The following PAQR5 variants were observed in gnomAD, a reference collection of about 807,000 sequenced individuals.
The protein encoded by PAQR5 is membrane progestin receptor gamma.
PAQR5 carries 20 observed loss-of-function variants against 34.5 expected under a neutral mutation model. That is an observed-to-expected ratio of 0.58 (90% CI 0.41 to 0.84). The LOEUF is 0.84. PAQR5 is among the 40% of genes least tolerant of loss of function. PAQR5 has a pLI of 0.00. For synonymous variants in PAQR5, 131 were observed against 155.6 expected (o/e 0.84, Z 1.18); for missense variants, 378 against 412.7 (o/e 0.92, Z 0.73).
chr15:69,350,934 A>G (rs1194896330), intron 2 of PAQR5, among the ~76,000 whole-genome samples: 1 of 152,208 alleles, frequency 6.6e-6, no homozygotes, highest in African/African-American at 2.4e-5. Flanking sequence ...GGACTGCTAG[A>G]CACCGGCTCT....
chr15:69,360,813 T>G (rs572755523), intron 3 of PAQR5, among the ~76,000 whole-genome samples: 1 of 152,340 alleles, frequency 6.6e-6, no homozygotes, highest in African/African-American at 2.4e-5. Flanking sequence ...AAAGTGGGTG[T>G]CATTTCATGG....
chr15:69,369,060 T>C (rs1311349950), intron 3 of PAQR5, among the ~76,000 whole-genome samples: 1 of 152,254 alleles, frequency 6.6e-6, no homozygotes, highest in Non-Finnish European at 1.5e-5. Context: ...GTTGAGCTAC[T>C]ATGCCCAGCC....
chr15:69,377,390 C>G (rs1446251685), intron 3 of PAQR5, among the ~76,000 whole-genome samples: 9 of 152,234 alleles, frequency 5.9e-5, no homozygotes, highest in South Asian at 2.1e-4. Flanking sequence ...AAATCTGCAA[C>G]TCAAGATTCC....
At chr15:69,374,493 T>A (rs1459921761) in intron 3 of PAQR5, among the ~76,000 whole-genome samples, 1 of 152,144 alleles carries the variant, frequency 6.6e-6, no homozygotes, top group Admixed American at 6.5e-5. Context: ...CTGACCAACA[T>A]GTTGAAACCC....
At chr15:69,373,786 T>C (rs1294509088) in intron 3 of PAQR5, among the ~76,000 whole-genome samples, 5 of 152,262 alleles carry the variant, frequency 3.3e-5, no homozygotes, top group Non-Finnish European at 4.4e-5. Context: ...GTAGTTTTAG[T>C]AGAGATGAGG....
At chr15:69,398,161 G>A (rs182055850) in intron 7 of PAQR5, among the ~76,000 whole-genome samples, 43 of 152,290 alleles carry the variant, frequency 2.8e-4, no homozygotes, top group African/African-American at 8.4e-4. Context: ...GCAAGAGTTC[G>A]GGAATGCATT....
At chr15:69,386,907 G>T (rs1040073757) in intron 5 of PAQR5, among the ~76,000 whole-genome samples, 1 of 151,990 alleles carries the variant, frequency 6.6e-6, no homozygotes, top group Non-Finnish European at 1.5e-5. Flanking sequence ...TGATGGTCGC[G>T]CCCCTACTCC....
rs142421065 is a variant in PAQR5 at position 69,344,556 on chromosome 15, A to G, written c.-116+7055A>G. 1.4e-3 allele frequency among the ~76,000 whole-genome samples: 207 copies of G among 152,380 alleles called. 1 individual carries two copies. Among genetic ancestry groups the G allele is most frequent in the Non-Finnish European group, 2.4e-3 (164 of 68,036 alleles). ...TATGGATTAAAACTAACATTTTCAT[A>G]TCATGTTATCTATGTGAAGTATTTG... On this transcript the variant is annotated intron_variant, in intron 2 of 8. Transcript: ENST00000395407.
intron 3 of PAQR5, among the ~76,000 whole-genome samples, chr15:69,363,179 G>T (rs2055287259): frequency 6.6e-6 from 1 of 152,166 alleles, no homozygotes; most frequent in African/African-American, 2.4e-5. Context: ...GGAATGGTGT[G>T]CCCACCTCTC....
At position 69,382,293 on chromosome 15, in the gene PAQR5, C is replaced by T. The variant is rs543880958; in HGVS notation, c.179+2283C>T. On this transcript the variant is annotated intron_variant, in intron 4 of 8. Coordinates refer to ENST00000395407, the MANE Select transcript of PAQR5 (RefSeq NM_017705.4). ...TCCTGCGAGGAATGGCTGAAGGAAC[C>T]GGGAGTATTTAATGTGAAGTTCAAG... 8.2e-4 allele frequency among the ~76,000 whole-genome samples: 124 copies of T among 152,048 alleles called. 2 individuals are homozygous for T. Among genetic ancestry groups the T allele is most frequent in the Non-Finnish European group, 2.4e-4 (16 of 67,978 alleles).
intron 1 of PAQR5, among the ~76,000 whole-genome samples, chr15:69,312,902 A>G (rs910026266): frequency 1.5e-4 from 23 of 152,028 alleles, no homozygotes; most frequent in African/African-American, 5.3e-4. Context: ...TCACAGTCCT[A>G]TGTGCTATAA....
Position 69,368,677 on chromosome 15 carries a change from G to A in PAQR5, c.51+8546G>A, listed in dbSNP as rs146185232. The stretch of plus-strand genomic sequence containing the variant: ...GGTACTTTCTTTGGATCTTTCAGTT[G>A]ACTAATTTTCTCTTCAGACAGGTCT... On this transcript the variant is annotated intron_variant, in intron 3 of 8. Coordinates refer to ENST00000395407, the MANE Select transcript of PAQR5 (RefSeq NM_017705.4). Among the ~76,000 whole-genome samples the A allele has an allele frequency of 3.8e-3, 576 of 152,174 alleles. 2 individuals carry two copies. The highest frequency in any genetic ancestry group is 6.9e-3 in the Non-Finnish European group (469 of 68,002).
At chr15:69,358,858 G>T (rs770752458) in intron 2 of PAQR5, among the ~76,000 whole-genome samples, 2 of 151,808 alleles carry the variant, frequency 1.3e-5, no homozygotes, top group Admixed American at 1.3e-4. Context: ...TCAACTGATC[G>T]TCCCATCTCA....
At chr15:69,380,046 C>G in intron 4 of PAQR5, 36 bp downstream of exon 4, 1 of 1,610,124 alleles carries the variant, frequency 6.2e-7, no homozygotes, top group Non-Finnish European at 8.5e-7. Flanking sequence ...CTGTCTCCTT[C>G]AGGAGCCCTG....
chr15:69,306,443 G>T (rs1351825673), intron 1 of PAQR5, among the ~76,000 whole-genome samples: 2 of 123,066 alleles, frequency 1.6e-5, no homozygotes, highest in Admixed American at 2.2e-4. Context: ...ACGGAGTCTC[G>T]ATCTGTTGCC....
At position 69,404,924 on chromosome 15, in the gene PAQR5, T is replaced by TA. The variant is rs2056733245; in HGVS notation, c.*1104dup. 2.5e-6 allele frequency: 1 copy of TA among 398,554 alleles called. No individual in the cohort carries two copies. The allele number at this position is 398,554 out of a possible 1,614,324, so 24.7% of individuals were successfully genotyped here. A position where few individuals can be genotyped will look rare whatever the true frequency, so the allele number is the denominator to read the frequency against. ...CTGGAGCAAGTCTCCCAGATGATTCTAATACAGGAGGGCCAGAGGCCAAAC... is the reference window on the plus strand; with the variant it reads ...CTGGAGCAAGTCTCCCAGATGATTCTAAATACAGGAGGGCCAGAGGCCAAAC... On this transcript the variant is annotated 3_prime_UTR_variant, in exon 9 of 9. Transcript: ENST00000395407.
At chr15:69,399,461 A>G (rs561281667) in intron 7 of PAQR5, among the ~76,000 whole-genome samples, 7 of 152,150 alleles carry the variant, frequency 4.6e-5, no homozygotes, top group Non-Finnish European at 1.0e-4. Context: ...GTTACAGGTA[A>G]GGCTTCCAGT....
At chr15:69,387,316 C>G (rs1191856148) in intron 5 of PAQR5, among the ~76,000 whole-genome samples, 1 of 152,220 alleles carries the variant, frequency 6.6e-6, no homozygotes, top group East Asian at 1.9e-4. Flanking sequence ...CTGACACACA[C>G]CCCTGAGGGG....
chr15:69,399,510 A>G (rs1036982679), intron 7 of PAQR5, among the ~76,000 whole-genome samples: 2 of 152,202 alleles, frequency 1.3e-5, no homozygotes, highest in African/African-American at 4.8e-5. Context: ...GGGGGAGTCA[A>G]AAGTTGTACA....
Sources: gnomAD v4.1 joint callset for allele counts (sites outside exome capture counted in the v4.1 genomes callset) on GRCh38, gnomAD v4.1.1 for gene constraint, MANE v1.5 for transcripts, NCBI Gene and HGNC (gene_info 2026-07-23, HGNC 2026-07-21) for gene names.